Variants in EDARADD observed in about 807,000 individuals in gnomAD.
EDARADD encodes EDAR associated via death domain.
In EDARADD, 20 loss-of-function variants were observed where a neutral mutation model predicts 25.6. The ratio of observed to expected loss-of-function variants is 0.78; its 90% CI spans 0.55 to 1.14. The LOEUF is 1.14. EDARADD is among the 50% of genes most tolerant of loss of function. EDARADD has a pLI of 0.00. For missense variants in EDARADD, 225 were observed against 270.1 expected (o/e 0.83, Z 1.17); for synonymous variants, 86 against 94.4 (o/e 0.91, Z 0.52).
rs554786274 is a variant in EDARADD, at chr1:236,415,419, G to A, written c.160+1120G>A. On this transcript the variant is annotated intron_variant, in intron 3 of 5. Coordinates refer to ENST00000334232, the MANE Select transcript of EDARADD (RefSeq NM_145861.4). ...AGCCTTCCATAACCTCTCCTGCTGGGTGGTCAGCAGGGCTATGTTCCTTTT... is the reference window on the plus strand; with the variant it reads ...AGCCTTCCATAACCTCTCCTGCTGGATGGTCAGCAGGGCTATGTTCCTTTT... Among the ~76,000 whole-genome samples, 5 of 152,222 alleles carry A rather than the reference G, an allele frequency of 3.3e-5. No homozygotes were observed. The South Asian group carries it at 1.0e-3, about 32-fold the overall frequency.
rs1258547851 is a variant in EDARADD at position 236,375,436 on chromosome 1, ACC to A, written c.-6+24598_-6+24599del. Among the ~76,000 whole-genome samples, 8 of 152,174 alleles carry A rather than the reference ACC, an allele frequency of 5.3e-5. No homozygotes were observed. The East Asian group carries it at 9.7e-4, about 18-fold the overall frequency. On this transcript the variant is annotated intron_variant, in intron 3 of 7. Coordinates refer to the EDARADD transcript ENST00000439430. The stretch of plus-strand genomic sequence containing the variant: ...TTTGGGAGGCCAAGGTGGGTGAATC[ACC>A]TGAGGTTAGGAATTTGAGACCAGCC...
At chr1:236,412,911 C>T (rs1037643212) in intron 2 of EDARADD, among the ~76,000 whole-genome samples, 2 of 152,210 alleles carry the variant, frequency 1.3e-5, no homozygotes, top group South Asian at 2.1e-4. Context: ...CTCCGTTGCT[C>T]AGGCTGGAGT....
rs374623279 is a variant in EDARADD, at chr1:236,428,848, T to G, written c.219+1398T>G. ...CACTGCACTCCAGCCTGGGCAACAT[T>G]GAGCACTGAGTGAGCGAGACTCTGT... On this transcript the variant is annotated intron_variant, in intron 4 of 5. Coordinates refer to ENST00000334232, the MANE Select transcript of EDARADD (RefSeq NM_145861.4). 9.6e-4 allele frequency among the ~76,000 whole-genome samples: 146 copies of G among 151,922 alleles called. 1 individual carries two copies. Among genetic ancestry groups the G allele is most frequent in the African/African-American group, 3.3e-3 (135 of 41,516 alleles).
At chr1:236,403,305 T>C (rs995385522) in intron 1 of EDARADD, among the ~76,000 whole-genome samples, 1 of 151,944 alleles carries the variant, frequency 6.6e-6, no homozygotes, top group Non-Finnish European at 1.5e-5. Context: ...TTTCTTTTTT[T>C]GAGAAGGAGT....
chr1:236,367,846 TGCCTG>T, intron 3 of EDARADD, among the ~76,000 whole-genome samples: 1 of 152,316 alleles, frequency 6.6e-6, no homozygotes, highest in South Asian at 2.1e-4. Flanking sequence ...TTGTGGCTCA[TGCCTG>T]TAATTCTAGC....
intron 5 of EDARADD, among the ~76,000 whole-genome samples, chr1:236,481,671 C>T (rs1659676235): frequency 1.3e-5 from 2 of 149,154 alleles, no homozygotes; most frequent in East Asian, 2.0e-4. Context: ...CCCAGGTACT[C>T]GGGAAGCTGA....
rs1271522 is a variant in EDARADD at position 236,387,344 on chromosome 1, C to T, written c.-5-21872C>T. Among the ~76,000 whole-genome samples, 2 of 25,270 alleles carry T rather than the reference C, an allele frequency of 7.9e-5. 1 individual carries two copies. Among genetic ancestry groups the T allele is most frequent in the African/African-American group, 2.5e-4 (2 of 8,040 alleles). 16.6% of individuals were successfully genotyped at this position (25,270 alleles called of 152,430 possible). On this transcript the variant is annotated intron_variant, in intron 3 of 7. Transcript: ENST00000439430. ...GAGGTAGGGGGGTCAGCCCCCCGCC[C>T]GGCCAGCCGCCCCCTCCGGGAGGGA...
At chr1:236,479,855 G>A (rs1659620538) in intron 5 of EDARADD, among the ~76,000 whole-genome samples, 1 of 151,400 alleles carries the variant, frequency 6.6e-6, no homozygotes, top group Non-Finnish European at 1.5e-5. Flanking sequence ...AGACCAGCCT[G>A]GGTAACATAG....
intron 4 of EDARADD, among the ~76,000 whole-genome samples, chr1:236,428,883 C>T (rs567935111): frequency 3.9e-5 from 6 of 152,040 alleles, no homozygotes; most frequent in South Asian, 2.1e-4. Context: ...TCTGCAATCC[C>T]GGCGCCTCGG....
intron 1 of EDARADD, among the ~76,000 whole-genome samples, chr1:236,405,875 T>TTCCTTCCTTCCTTCCTTCCTTC (rs1558112828): frequency 3.4e-5 from 1 of 29,648 alleles, no homozygotes; most frequent in African/African-American, 1.1e-4. Flanking sequence ...CCTTCCTTCC[T>TTCCTTCCTTCCTTCCTTCCTTC]TCTTTCTTTC....
chr1:236,413,542 T>C (rs1201134446), intron 2 of EDARADD, among the ~76,000 whole-genome samples: 1 of 151,990 alleles, frequency 6.6e-6, no homozygotes, highest in Non-Finnish European at 1.5e-5. Flanking sequence ...GGGGACAGGG[T>C]TGGGAAATTA....
intron 4 of EDARADD, among the ~76,000 whole-genome samples, chr1:236,429,092 T>G (rs1658021146): frequency 6.6e-6 from 1 of 151,892 alleles, no homozygotes; most frequent in African/African-American, 2.4e-5. Context: ...ATCGGTACAG[T>G]CCAGCCTCGG....
At chr1:236,371,632 C>T (rs551506838) in intron 3 of EDARADD, among the ~76,000 whole-genome samples, 64 of 151,104 alleles carry the variant, frequency 4.2e-4, no homozygotes, top group Middle Eastern at 3.4e-3. Context: ...TGCAGTGGCA[C>T]GATCTCGGCT....
intron 3 of EDARADD, among the ~76,000 whole-genome samples, chr1:236,352,708 C>T (rs968709572): frequency 1.3e-5 from 2 of 152,038 alleles, no homozygotes; most frequent in East Asian, 1.9e-4. Flanking sequence ...ATTAGCCGGG[C>T]GTGGTGGTGG....
intron 4 of EDARADD, among the ~76,000 whole-genome samples, chr1:236,438,435 G>A (rs636877): frequency 0.74 from 112,617 of 152,052 alleles, 43,749 homozygotes; most frequent in Non-Finnish European, 0.88. Context: ...AAGGGCTGAA[G>A]GTCCATTTCA....
intron 1 of EDARADD, chr1:236,348,640 T>C (rs901896098): frequency 6.6e-6 from 1 of 152,244 alleles, no homozygotes; most frequent in Non-Finnish European, 1.5e-5. Context: ...CTACAGGCTA[T>C]GTTAGAAATT....
chr1:236,374,013 T>G (rs929738746), intron 3 of EDARADD, among the ~76,000 whole-genome samples: 3 of 152,218 alleles, frequency 2.0e-5, no homozygotes, highest in African/African-American at 7.2e-5. Context: ...TTAATTCCAC[T>G]GTGGTCTAAG....
chr1:236,368,760 A>G (rs1471148465), intron 3 of EDARADD, among the ~76,000 whole-genome samples: 2 of 151,936 alleles, frequency 1.3e-5, no homozygotes, highest in Non-Finnish European at 2.9e-5. Context: ...CATTCTTACA[A>G]CACTTTTACC....
rs1455475348 is a variant in EDARADD at position 236,363,002 on chromosome 1, A to ATATATAT, written c.-6+12163_-6+12164insTATATAT. The stretch of plus-strand genomic sequence containing the variant: ...CTTTTTTTAAGAAAAAAAAAAAAAA[A>ATATATAT]AAAAATATATATATATATATATATA... On this transcript the variant is annotated intron_variant, in intron 3 of 7. Coordinates refer to the EDARADD transcript ENST00000439430. Among the ~76,000 whole-genome samples, 11 of 58,208 alleles carry ATATATAT rather than the reference A, an allele frequency of 1.9e-4. No homozygotes were observed. In the East Asian group the frequency reaches 4.9e-3, roughly 26 times the overall value. 38.2% of individuals were successfully genotyped at this position (58,208 alleles called of 152,430 possible). A position where few individuals can be genotyped will look rare whatever the true frequency, so the allele number is the denominator to read the frequency against.
Sources: gnomAD v4.1 joint callset for allele counts (sites outside exome capture counted in the v4.1 genomes callset) on GRCh38, gnomAD v4.1.1 for gene constraint, MANE v1.5 for transcripts, NCBI Gene and HGNC (gene_info 2026-07-23, HGNC 2026-07-21) for gene names.